MMP26: variants seen among roughly 807,000 people sequenced by gnomAD.
The protein encoded by MMP26 is matrix metalloproteinase-26.
A neutral mutation model predicts 31.0 loss-of-function variants in MMP26; 33 were observed. The observed-to-expected ratio is 1.06, with a 90% CI of 0.81 to 1.42. The LOEUF (loss-of-function observed/expected upper bound fraction) is 1.42. MMP26 is among the 40% of genes most tolerant of loss of function. The pLI, the probability that MMP26 is intolerant of heterozygous loss-of-function variation, is 0.00. For synonymous variants in MMP26, 122 were observed against 114.9 expected (o/e 1.06, Z -0.40); for missense variants, 347 against 316.1 (o/e 1.10, Z -0.74).
intron 2 of MMP26, chr11:4,943,669 T>A: frequency 2.8e-6 from 1 of 359,200 alleles, no homozygotes; most frequent in South Asian, 2.2e-5. Context: ...AAATGTCTCT[T>A]GGAGGTAACA....
At chr11:4,716,658 T>TTTTC (rs1378429259) in intron 1 of MMP26, among the ~76,000 whole-genome samples, 2,339 of 121,238 alleles carry the variant, frequency 0.019, 94 homozygotes, top group Non-Finnish European at 0.034. Context: ...CTCTTTTTTT[T>TTTTC]TTTTTTTTTT....
Position 4,891,019 on chromosome 11 carries a change from A to AATAATAATC in MMP26, c.-144-97042_-144-97041insTCATAATAA, listed in dbSNP as rs1554889158. On this transcript the variant is annotated intron_variant, in intron 2 of 7. Transcript: ENST00000380390. ...TAATAATAATAATAATAATAATAAT[A>AATAATAATC]ATAATAAAAGTAAAAGGACTGGGAA... Among the ~76,000 whole-genome samples the AATAATAATC allele has an allele frequency of 6.1e-5, 9 of 148,322 alleles. No individual in the cohort carries two copies. In the South Asian group the frequency reaches 8.5e-4, roughly 14 times the overall value.
rs1039582210 is a variant in MMP26, at chr11:4,838,863, A to T, written c.-145+71522A>T. ...AAACAAAAAAGTCGGATGAGTCCTTATAATAACTTATAATAAAAAGGCACT... is the reference window on the plus strand; with the variant it reads ...AAACAAAAAAGTCGGATGAGTCCTTTTAATAACTTATAATAAAAAGGCACT... On this transcript the variant is annotated intron_variant, in intron 2 of 7. Transcript: ENST00000380390. Among the ~76,000 whole-genome samples, 3 of 152,298 alleles carry T rather than the reference A, an allele frequency of 2.0e-5. No individual in the cohort carries two copies. The South Asian group carries it at 6.2e-4, about 32-fold the overall frequency.
chr11:4,718,072 C>T (rs1210871637), intron 1 of MMP26, among the ~76,000 whole-genome samples: 1 of 152,032 alleles, frequency 6.6e-6, no homozygotes, highest in East Asian at 1.9e-4. Flanking sequence ...TATGCTTGTC[C>T]AGGGTATTAT....
At chr11:4,984,614 G>T (rs1229593241) in intron 2 of MMP26, among the ~76,000 whole-genome samples, 2 of 152,074 alleles carry the variant, frequency 1.3e-5, no homozygotes, top group Non-Finnish European at 2.9e-5. Context: ...ACTTGACGTC[G>T]CTGTCATTAA....
chr11:4,988,096 C>A lies in MMP26; in HGVS notation c.-116C>A. On this transcript the variant is annotated 5_prime_UTR_variant, in exon 3 of 8. An upstream open reading frame in the 5' UTR gains an earlier in-frame stop. Transcript: ENST00000380390. ...TGGATGATGACGCCACTCACAGATT[C>A]AAAGAAAGGGCAAACTGGCAGAGTG... is the stretch of plus-strand genomic sequence containing the variant. The A allele has an allele frequency of 1.1e-6, 1 of 919,034 alleles. No individual in the cohort carries two copies. Among genetic ancestry groups the A allele is most frequent in the Non-Finnish European group, 1.8e-6 (1 of 554,436 alleles). The allele number at this position is 919,034 out of a possible 1,614,324, so 56.9% of individuals were successfully genotyped here.
At chr11:4,855,565 G>T (rs1343974414) in intron 2 of MMP26, among the ~76,000 whole-genome samples, 1 of 152,112 alleles carries the variant, frequency 6.6e-6, no homozygotes, top group African/African-American at 2.4e-5. Flanking sequence ...AGAAATATGA[G>T]ACTATGTGAA....
chr11:4,740,423 C>T (rs956946888), intron 1 of MMP26, among the ~76,000 whole-genome samples: 1 of 152,092 alleles, frequency 6.6e-6, no homozygotes, highest in African/African-American at 2.4e-5. Flanking sequence ...GTGGCTCATG[C>T]CTGTAATCCC....
intron 2 of MMP26, among the ~76,000 whole-genome samples, chr11:4,802,682 G>T (rs1321773935): frequency 6.6e-6 from 1 of 152,058 alleles, no homozygotes; most frequent in Non-Finnish European, 1.5e-5. Context: ...TAATGAAAAT[G>T]CCATAAGCAT....
Position 4,971,333 on chromosome 11 carries a change from A to G in MMP26, c.-144-16735A>G, listed in dbSNP as rs576592299. On this transcript the variant is annotated intron_variant, in intron 2 of 7. Transcript: ENST00000380390. ...AAATCTGTCCTTACTATCATTCAAC[A>G]GGCTGTCAAAAGTGTGTACACAGGG... Among the ~76,000 whole-genome samples, 9 of 152,328 alleles carry G rather than the reference A, an allele frequency of 5.9e-5. No individual in the cohort carries two copies. In the South Asian group the frequency reaches 1.2e-3, roughly 21 times the overall value.
chr11:4,811,606 A>T (rs1311646745), intron 2 of MMP26, among the ~76,000 whole-genome samples: 11 of 151,826 alleles, frequency 7.2e-5, no homozygotes, highest in Admixed American at 6.6e-4. Flanking sequence ...TCGGTATGTG[A>T]CGTTCTTAGT....
At chr11:4,746,690 C>T (rs970148811) in intron 1 of MMP26, among the ~76,000 whole-genome samples, 5 of 152,078 alleles carry the variant, frequency 3.3e-5, no homozygotes, top group East Asian at 1.9e-4. Flanking sequence ...AAAAATTAGC[C>T]GGGTTTGGTG....
intron 2 of MMP26, among the ~76,000 whole-genome samples, chr11:4,961,367 C>T (rs1311365534): frequency 6.6e-6 from 1 of 152,138 alleles, no homozygotes; most frequent in Non-Finnish European, 1.5e-5. Context: ...CGATGGTGCC[C>T]AGCAACATTG....
At chr11:4,786,107 T>A (rs1848940106) in intron 2 of MMP26, among the ~76,000 whole-genome samples, 1 of 152,168 alleles carries the variant, frequency 6.6e-6, no homozygotes. Flanking sequence ...GGATTACTTG[T>A]AATTCCTCTC....
chr11:4,705,587 GAGAA>G (rs1356612593), intron 1 of MMP26, among the ~76,000 whole-genome samples: 1 of 152,222 alleles, frequency 6.6e-6, no homozygotes, highest in African/African-American at 2.4e-5. Flanking sequence ...CTCAGTGGGG[GAGAA>G]AGAGACACTT....
intron 2 of MMP26, among the ~76,000 whole-genome samples, chr11:4,804,815 A>AAAAG (rs1849243341): frequency 6.6e-6 from 1 of 151,174 alleles, no homozygotes; most frequent in Non-Finnish European, 1.5e-5. Context: ...ACAAAAAAAA[A>AAAAG]CCCCATTAGC....
In MMP26 at chr11:4,886,250, A is replaced by G. The variant is rs190637174; in HGVS notation, c.-144-101818A>G. 7.6e-3 allele frequency among the ~76,000 whole-genome samples: 1,155 copies of G among 152,220 alleles called. 60 individuals are homozygous for G. Among genetic ancestry groups the G allele is most frequent in the Admixed American group, 0.068 (1,037 of 15,260 alleles). On this transcript the variant is annotated intron_variant, in intron 2 of 7. Transcript: ENST00000380390. ...ACTGTTGGTCTCCTTGTGTTGGCCA[A>G]CTGTAGTGGCTGAAGTTGTGGGCTC...
intron 1 of MMP26, among the ~76,000 whole-genome samples, chr11:4,726,011 C>T (rs185598390): frequency 3.0e-4 from 45 of 152,274 alleles, no homozygotes; most frequent in African/African-American, 9.9e-4. Flanking sequence ...GAGGTAACCT[C>T]TGGGCTGCAG....
intron 1 of MMP26, among the ~76,000 whole-genome samples, chr11:4,755,807 G>GA (rs1198587805): frequency 1.3e-5 from 2 of 150,944 alleles, no homozygotes; most frequent in African/African-American, 2.4e-5. Context: ...TAGCTTTTAA[G>GA]AAAAAAAATA....
Sources: allele counts gnomAD v4.1 joint callset (sites outside exome capture counted in the v4.1 genomes callset), GRCh38; gene constraint gnomAD v4.1.1; transcripts MANE v1.5; gene names NCBI Gene and HGNC (gene_info 2026-07-23, HGNC 2026-07-21).